Variants in HSH2D observed in about 807,000 individuals in gnomAD.
HSH2D encodes the protein hematopoietic SH2 domain-containing protein.
Under a neutral mutation model 21.5 loss-of-function variants are expected in HSH2D, and 16 were observed. The ratio of observed to expected loss-of-function variants is 0.74; its 90% CI spans 0.50 to 1.13. The LOEUF (loss-of-function observed/expected upper bound fraction) is 1.13. Ranked by LOEUF, HSH2D falls within the 50% of genes most tolerant of loss-of-function variation. The probability of loss-of-function intolerance (pLI) is 0.00; values close to 1 mark genes in which losing one functional copy is unlikely to be tolerated. For synonymous variants in HSH2D, 172 were observed against 184.7 expected (o/e 0.93, Z 0.56); for missense variants, 418 against 441.4 (o/e 0.95, Z 0.47).
upstream of HSH2D, among the ~76,000 whole-genome samples, chr19:16,140,896 AAAG>A (rs779214193): frequency 5.7e-4 from 87 of 152,248 alleles, no homozygotes; most frequent in Non-Finnish European, 8.5e-4. Context: ...CTCAAAAAAA[AAAG>A]AAGAAGAAAA....
chr19:16,147,164 T>C (rs755951496), intron 1 of HSH2D, among the ~76,000 whole-genome samples: 2 of 152,106 alleles, frequency 1.3e-5, no homozygotes, highest in Non-Finnish European at 2.9e-5. Flanking sequence ...CATTTATTTA[T>C]AAAATGAACT....
At position 16,153,287 on chromosome 19, in the gene HSH2D, C is replaced by T. The variant is rs2091189284; in HGVS notation, c.381+79C>T. On this transcript the variant is annotated intron_variant, in intron 4 of 5. Transcript: ENST00000613986. ...CAGACCCCTTTGTTTCCCACGCCCC[C>T]ATCAGCTCCTCTTGATTCTGTCACT... is the stretch of plus-strand genomic sequence containing the variant. 2.1e-5 allele frequency: 27 copies of T among 1,302,820 alleles called. 1 individual carries two copies. In the South Asian group the frequency reaches 4.0e-4, roughly 19 times the overall value. The allele number at this position is 1,302,820 out of a possible 1,614,324, so 80.7% of individuals were successfully genotyped here. A position where few individuals can be genotyped will look rare whatever the true frequency, so the allele number is the denominator to read the frequency against.
chr19:16,140,698 G>A (rs2090994280), upstream of HSH2D, among the ~76,000 whole-genome samples: 1 of 152,008 alleles, frequency 6.6e-6, no homozygotes, highest in Non-Finnish European at 1.5e-5. Context: ...GACCAACCTG[G>A]CAACATGACA....
chr19:16,157,099 G>T lies in HSH2D; in HGVS notation c.475-111G>T. 1 of 809,036 alleles carries T rather than the reference G, an allele frequency of 1.2e-6. No homozygotes were observed. Among genetic ancestry groups the T allele is most frequent in the Non-Finnish European group, 1.9e-6 (1 of 527,984 alleles). 50.1% of individuals were successfully genotyped at this position (809,036 alleles called of 1,614,324 possible). ...GATCAGGTTTGGGGGTTCACACGGG[G>T]ACGTTTCTCAGCCACAGGGTGTCTG... On this transcript the variant is annotated intron_variant, in intron 5 of 5. Coordinates refer to ENST00000613986, the MANE Select transcript of HSH2D (RefSeq NM_001382417.1). The surrounding 1 kb of genome is among the most constrained non-coding windows in gnomAD (Gnocchi z 4.4).
Position 16,157,960 on chromosome 19 carries a change from G to T in HSH2D, c.*166G>T. 1 of 572,688 alleles carries T rather than the reference G, an allele frequency of 1.7e-6. No homozygotes were observed. Among genetic ancestry groups the T allele is most frequent in the East Asian group, 2.9e-5 (1 of 34,802 alleles). 35.5% of individuals were successfully genotyped at this position (572,688 alleles called of 1,614,324 possible). ...GGTCTGTTCCTGCACTCACCCATGG[G>T]GTGAGCTGGTTATTTTAGCAACAAT... On this transcript the variant is annotated 3_prime_UTR_variant, in exon 6 of 6. Coordinates refer to ENST00000613986, the MANE Select transcript of HSH2D (RefSeq NM_001382417.1). This position sits in a 1 kb window ranked among gnomAD's most constrained non-coding sequence, Gnocchi z 4.4.
rs1306109529 is a variant in HSH2D at position 16,157,620 on chromosome 19, G to A, written c.885G>A (p.Arg295=). Residue 295 remains arginine, a synonymous_variant, in exon 6 of 6, where the codon AGG becomes AGA. Transcript: ENST00000613986. The surrounding 1 kb of genome is among the most constrained non-coding windows in gnomAD (Gnocchi z 4.4). ...AGGTCCCCACCAGGAAGGCCGAGAG[G>A]TCGGTCAGCTGCATTGAGGTGACCC... ...DRKVPTRKAE[R]SVSCIEVTPG... is the part of the protein sequence containing the mutation. The A allele has an allele frequency of 6.2e-7, 1 of 1,613,872 alleles. No homozygotes were observed. The highest frequency in any genetic ancestry group is 2.2e-5 in the East Asian group (1 of 44,874).
chr19:16,154,120 G>T (rs534395327), intron 4 of HSH2D, among the ~76,000 whole-genome samples: 1 of 125,812 alleles, frequency 7.9e-6, no homozygotes, highest in Non-Finnish European at 1.9e-5. Flanking sequence ...AAACTGTTGT[G>T]GGCGGGGCAT....
intron 5 of HSH2D, among the ~76,000 whole-genome samples, chr19:16,156,195 T>TA (rs1170872017): frequency 1.3e-5 from 2 of 151,078 alleles, no homozygotes; most frequent in Admixed American, 6.6e-5. Context: ...CCACAAAAAA[T>TA]AAAAAAATTA....
intron 2 of HSH2D, among the ~76,000 whole-genome samples, chr19:16,150,567 T>G (rs576410154): frequency 1.3e-5 from 2 of 150,726 alleles, no homozygotes; most frequent in Non-Finnish European, 1.5e-5. Context: ...CTGGGCACGG[T>G]GGCACGTGCC....
At position 16,157,055 on chromosome 19, in the gene HSH2D, C is replaced by T. The variant is rs968388105; in HGVS notation, c.475-155C>T. Among the ~76,000 whole-genome samples the T allele has an allele frequency of 6.6e-6, 1 of 151,702 alleles. No individual in the cohort carries two copies. Among genetic ancestry groups the T allele is most frequent in the Admixed American group, 6.6e-5 (1 of 15,240 alleles). ...GAGACAGTGAAGCCATTTACTGAGACGAGAAAGATGGGGCATGGGATCAGG... is the reference window on the plus strand; with the variant it reads ...GAGACAGTGAAGCCATTTACTGAGATGAGAAAGATGGGGCATGGGATCAGG... On this transcript the variant is annotated intron_variant, in intron 5 of 5. Coordinates refer to ENST00000613986, the MANE Select transcript of HSH2D (RefSeq NM_001382417.1). The surrounding 1 kb of genome is among the most constrained non-coding windows in gnomAD (Gnocchi z 4.4).
chr19:16,142,956 A>C (rs1418978961), upstream of HSH2D, among the ~76,000 whole-genome samples: 1 of 149,562 alleles, frequency 6.7e-6, no homozygotes, highest in East Asian at 2.0e-4. Context: ...TTTAGTAGAG[A>C]CAGGGTTTTA....
At chr19:16,137,356 G>A (rs778419884) in intron 1 of HSH2D, among the ~76,000 whole-genome samples, 11 of 151,946 alleles carry the variant, frequency 7.2e-5, no homozygotes, top group African/African-American at 1.7e-4. Context: ...GGCCGGGCGC[G>A]GTAGCTCACA....
chr19:16,150,498 C>T (rs2091133316), intron 2 of HSH2D, among the ~76,000 whole-genome samples: 1 of 151,430 alleles, frequency 6.6e-6, no homozygotes, highest in African/African-American at 2.4e-5. Flanking sequence ...GAGGTCGTGC[C>T]ACTGCACTCC....
chr19:16,142,727 T>C (rs1350254907), upstream of HSH2D, among the ~76,000 whole-genome samples: 1 of 152,102 alleles, frequency 6.6e-6, no homozygotes. Flanking sequence ...CCTCCCAAAG[T>C]GCTGGGATTA....
At chr19:16,140,745 G>A (rs2090994516), upstream of HSH2D, among the ~76,000 whole-genome samples, 1 of 152,118 alleles carries the variant, frequency 6.6e-6, no homozygotes, top group Non-Finnish European at 1.5e-5. Context: ...AATTAGCCAG[G>A]CGTGGTGGTG....
intron 1 of HSH2D, among the ~76,000 whole-genome samples, chr19:16,146,436 G>A (rs935301783): frequency 6.6e-6 from 1 of 152,168 alleles, no homozygotes; most frequent in African/African-American, 2.4e-5. Flanking sequence ...AGTATGTTGG[G>A]AGGCTGAGGT....
chr19:16,152,851 T>A, intron 3 of HSH2D, 192 bp from the exon 4 acceptor site: 1 of 786,050 alleles, frequency 1.3e-6, no homozygotes, highest in Non-Finnish European at 2.2e-6. Context: ...ACTCCTGTGT[T>A]ATAAATGGGG....
intron 1 of HSH2D, among the ~76,000 whole-genome samples, chr19:16,137,505 A>G (rs1456000366): frequency 6.6e-6 from 1 of 150,470 alleles, no homozygotes; most frequent in East Asian, 2.0e-4. Flanking sequence ...TGAACCAGGG[A>G]GGCGGAGGTT....
rs370279304 is a variant in HSH2D at position 16,152,532 on chromosome 19, T to C, written c.126-20T>C. The stretch of plus-strand genomic sequence containing the variant: ...GGGCGGCTGGACTGTTTCATTTCCT[T>C]TCTGTGTGTGCCCTTCCAGGGATGC... On this transcript the variant is annotated intron_variant, in intron 2 of 5. Transcript: ENST00000613986. 1.4e-5 allele frequency: 21 copies of C among 1,454,756 alleles called. No homozygotes were observed. The highest frequency in any genetic ancestry group is 1.8e-5 in the Non-Finnish European group (20 of 1,099,808). 90.1% of individuals were successfully genotyped at this position (1,454,756 alleles called of 1,614,324 possible).
Sources: gnomAD v4.1 joint callset for allele counts (sites outside exome capture counted in the v4.1 genomes callset) on GRCh38, gnomAD v4.1.1 for gene constraint, Gnocchi (gnomAD v3.1) non-coding constraint, MANE v1.5 for transcripts, NCBI Gene and HGNC (gene_info 2026-07-23, HGNC 2026-07-21) for gene names.